Variants in PLCH1 observed in about 807,000 individuals in gnomAD.
PLCH1 encodes 1-phosphatidylinositol 4,5-bisphosphate phosphodiesterase eta-1.
In PLCH1, 60 loss-of-function variants were observed where a neutral mutation model predicts 126.7. That is an observed-to-expected ratio of 0.47 (90% CI 0.38 to 0.59). The LOEUF is 0.59. PLCH1 is among the 20% of genes least tolerant of loss of function. The probability of loss-of-function intolerance (pLI) is 0.00; values close to 1 mark genes in which losing one functional copy is unlikely to be tolerated. For missense variants in PLCH1, 1,723 were observed against 2,040.0 expected (o/e 0.84, Z 2.99); for synonymous variants, 719 against 734.9 (o/e 0.98, Z 0.35).
Position 155,586,104 on chromosome 3 carries a change from A to G in PLCH1, c.561T>C (p.Asn187=), listed in dbSNP as rs1262897894. 1.2e-6 allele frequency: 2 copies of G among 1,614,044 alleles called. No homozygotes were observed. The highest frequency in any genetic ancestry group is 1.7e-4 in the Middle Eastern group (1 of 6,060). The change falls in exon 5 of 23, where the codon AAT becomes AAC. Residue 187 remains asparagine (N), a synonymous_variant. Transcript: ENST00000460012. The part of the protein sequence containing the change: ...EEIHQLMHKL[N]VNLPRRKVRQ... ...TGACTTTTCTTCGGGGCAGATTAAC[A>G]TTCAGTTTATGCATCAGCTGATGTA...
At position 155,482,555 on chromosome 3, in the gene PLCH1, G is replaced by A. The variant is rs114191912; in HGVS notation, c.3471C>T (p.Asp1157=). 4 of 1,614,046 alleles carry A rather than the reference G, an allele frequency of 2.5e-6. No homozygotes were observed. The highest frequency in any genetic ancestry group is 1.7e-5 in the Admixed American group (1 of 60,006). Residue 1157 remains aspartate (D), a synonymous_variant, in exon 23 of 23, where the codon GAC becomes GAT. Transcript: ENST00000460012. ...DVSMLCSDIP[D]LHSTAILQES... ...CCTGCAGAATTGCAGTTGAATGTAGGTCAGGTATGTCAGAACAGAGCATGG... is the reference window on the plus strand; with the variant it reads ...CCTGCAGAATTGCAGTTGAATGTAGATCAGGTATGTCAGAACAGAGCATGG...
chr3:155,563,628 CAT>C (rs915510615), intron 8 of PLCH1, among the ~76,000 whole-genome samples: 39 of 121,330 alleles, frequency 3.2e-4, no homozygotes, highest in African/African-American at 9.1e-4. Flanking sequence ...CACAAACACA[CAT>C]GTCAAAAAAA....
chr3:155,607,414 T>C (rs1456859257), intron 2 of PLCH1, among the ~76,000 whole-genome samples: 1 of 152,202 alleles, frequency 6.6e-6, no homozygotes, highest in African/African-American at 2.4e-5. Context: ...AGTTTTTTTA[T>C]TATAGTAATC....
At chr3:155,484,532 G>A (rs1714707659) in intron 22 of PLCH1, among the ~76,000 whole-genome samples, 1 of 152,156 alleles carries the variant, frequency 6.6e-6, no homozygotes, top group Admixed American at 6.5e-5. Flanking sequence ...AAGGAAATCA[G>A]TACCACATTT....
intron 11 of PLCH1, among the ~76,000 whole-genome samples, chr3:155,521,182 T>C (rs1721047462): frequency 6.6e-6 from 1 of 152,198 alleles, no homozygotes. Flanking sequence ...TGTGCACACA[T>C]GCACACAGAC....
intron 2 of PLCH1, among the ~76,000 whole-genome samples, chr3:155,650,216 A>C (rs781681513): frequency 2.0e-5 from 3 of 152,234 alleles, no homozygotes; most frequent in Non-Finnish European, 4.4e-5. Context: ...GAGATGTGAT[A>C]GGTATAATCC....
At chr3:155,604,230 C>T (rs1734091132) in intron 2 of PLCH1, among the ~76,000 whole-genome samples, 2 of 152,088 alleles carry the variant, frequency 1.3e-5, no homozygotes, top group Admixed American at 1.3e-4. Context: ...AATGGCTTCA[C>T]TTAAAAAGCT....
At chr3:155,474,317 C>A (rs1713421063) in intron 21 of PLCH1, among the ~76,000 whole-genome samples, 2 of 146,832 alleles carry the variant, frequency 1.4e-5, no homozygotes, top group Non-Finnish European at 3.0e-5. Context: ...CCAAAAAACA[C>A]ATGAAAAAAT....
chr3:155,704,716 T>C (rs1442517654), intron 1 of PLCH1, among the ~76,000 whole-genome samples: 1 of 152,188 alleles, frequency 6.6e-6, no homozygotes, highest in Non-Finnish European at 1.5e-5. Context: ...ACAGCATCCA[T>C]GTGGCCATGA....
intron 21 of PLCH1, among the ~76,000 whole-genome samples, chr3:155,452,834 A>G (rs1343925814): frequency 6.6e-6 from 1 of 152,156 alleles, no homozygotes; most frequent in East Asian, 1.9e-4. Flanking sequence ...TATGAAGGAG[A>G]CCCTTATCTC....
intron 2 of PLCH1, among the ~76,000 whole-genome samples, chr3:155,670,359 C>T (rs540370632): frequency 1.3e-5 from 2 of 152,210 alleles, no homozygotes; most frequent in East Asian, 3.9e-4. Context: ...ATACATCCTC[C>T]CTGATAAAAC....
chr3:155,739,875 A>G (rs1311707916), intron 1 of PLCH1, among the ~76,000 whole-genome samples: 1 of 152,224 alleles, frequency 6.6e-6, no homozygotes, highest in Non-Finnish European at 1.5e-5. Context: ...AATAAGTGCC[A>G]TCACGTTAGG....
At chr3:155,669,584 C>T (rs1743187815) in intron 2 of PLCH1, among the ~76,000 whole-genome samples, 1 of 152,162 alleles carries the variant, frequency 6.6e-6, no homozygotes, top group African/African-American at 2.4e-5. Flanking sequence ...CTTATTCTCT[C>T]ATTTTCTTAG....
chr3:155,580,048 A>C (rs1730460137), intron 6 of PLCH1, among the ~76,000 whole-genome samples: 1 of 152,198 alleles, frequency 6.6e-6, no homozygotes, highest in Non-Finnish European at 1.5e-5. Flanking sequence ...CAAACATGGA[A>C]AAACATTCAT....
At chr3:155,510,966 C>G (rs1452474965) in intron 12 of PLCH1, among the ~76,000 whole-genome samples, 1 of 123,782 alleles carries the variant, frequency 8.1e-6, no homozygotes, top group Admixed American at 8.0e-5. Flanking sequence ...AACTTGGTTC[C>G]ATTCTCCACA....
downstream of PLCH1, among the ~76,000 whole-genome samples, chr3:155,476,768 A>G (rs1488633269): frequency 6.6e-6 from 1 of 152,192 alleles, no homozygotes; most frequent in Non-Finnish European, 1.5e-5. Context: ...CGAACAATGA[A>G]AAATATTCCA....
intron 2 of PLCH1, among the ~76,000 whole-genome samples, chr3:155,622,589 CAA>C (rs34373302): frequency 5.2e-4 from 73 of 140,400 alleles, no homozygotes; most frequent in East Asian, 6.0e-4. Context: ...AAATGGAAAG[CAA>C]AAAAAAAAAA....
chr3:155,458,064 G>A (rs996440285), intron 21 of PLCH1, among the ~76,000 whole-genome samples: 9 of 152,066 alleles, frequency 5.9e-5, no homozygotes, highest in African/African-American at 9.7e-5. Flanking sequence ...GGGTAAGGCC[G>A]GGGACAGTGT....
chr3:155,719,538 A>C (rs1056181786), intron 1 of PLCH1, among the ~76,000 whole-genome samples: 1 of 152,184 alleles, frequency 6.6e-6, no homozygotes, highest in Non-Finnish European at 1.5e-5. Flanking sequence ...TAATTAAAAA[A>C]AAGAATAAGC....
Sources: gnomAD v4.1 joint callset for allele counts (sites outside exome capture counted in the v4.1 genomes callset) on GRCh38, gnomAD v4.1.1 for gene constraint, MANE v1.5 for transcripts, NCBI Gene and HGNC (gene_info 2026-07-23, HGNC 2026-07-21) for gene names.